AKAP10: variants seen among roughly 807,000 people sequenced by gnomAD.
AKAP10 encodes the protein A-kinase anchoring protein 10.
A neutral mutation model predicts 80.8 loss-of-function variants in AKAP10; 24 were observed. The ratio of observed to expected loss-of-function variants is 0.30; its 90% CI spans 0.22 to 0.42. The LOEUF is 0.42. Among genes scored for constraint, AKAP10 ranks in the 10% least tolerant of loss-of-function variants. The pLI is 1.00. For synonymous variants in AKAP10, 291 were observed against 277.7 expected (o/e 1.05, Z -0.48); for missense variants, 661 against 794.9 (o/e 0.83, Z 2.03).
chr17:19,937,975 CTTTTTTTTTT>C (rs547191721), intron 8 of AKAP10, among the ~76,000 whole-genome samples: 1 of 129,202 alleles, frequency 7.7e-6, no homozygotes, highest in Non-Finnish European at 1.7e-5. Flanking sequence ...GACTGGAAAC[CTTTTTTTTTT>C]TTTTTTTTTT....
rs1260110499 is a variant in AKAP10, at chr17:19,947,288, T to A, written c.976+119A>T. 6.5e-6 allele frequency: 5 copies of A among 765,564 alleles called. No individual in the cohort carries two copies. The East Asian group carries it at 1.2e-4, about 19-fold the overall frequency. 47.4% of individuals were successfully genotyped at this position (765,564 alleles called of 1,614,324 possible). A position where few individuals can be genotyped will look rare whatever the true frequency, so the allele number is the denominator to read the frequency against. ...TATAAAAAATACTCAGAAAACAAAT[T>A]AGGAAGGGAACTGCTAAATTCCATG... On this transcript the variant is annotated intron_variant, in intron 5 of 14. Transcript: ENST00000225737.
chr17:19,951,380 C>G (rs555453406), intron 4 of AKAP10, among the ~76,000 whole-genome samples: 19 of 152,338 alleles, frequency 1.2e-4, no homozygotes, highest in Admixed American at 9.1e-4. Context: ...CCAGCTGCCA[C>G]CCCGTCTGGG....
chr17:19,972,106 AT>A (rs2043505642), intron 1 of AKAP10, among the ~76,000 whole-genome samples: 1 of 152,276 alleles, frequency 6.6e-6, no homozygotes, highest in Admixed American at 6.5e-5. Flanking sequence ...TCTCAAAAAA[AT>A]AAATAAAAAA....
intron 3 of AKAP10, among the ~76,000 whole-genome samples, chr17:19,960,835 G>A (rs2043339740): frequency 6.6e-6 from 1 of 151,886 alleles, no homozygotes; most frequent in Admixed American, 6.6e-5. Context: ...AAACCAGCCT[G>A]ACCAACATGG....
intron 12 of AKAP10, among the ~76,000 whole-genome samples, chr17:19,916,557 CTATGT>C (rs1567751919): frequency 1.3e-5 from 2 of 151,972 alleles, no homozygotes; most frequent in East Asian, 3.9e-4. Flanking sequence ...AACACCTATG[CTATGT>C]TAACACTATG....
chr17:19,956,152 A>G (rs1243982303), intron 4 of AKAP10, among the ~76,000 whole-genome samples: 1 of 152,226 alleles, frequency 6.6e-6, no homozygotes, highest in Admixed American at 6.5e-5. Context: ...CAGTAAGTAT[A>G]AACCTGTACT....
chr17:19,974,600 G>A (rs1251728945), intron 1 of AKAP10, among the ~76,000 whole-genome samples: 1 of 152,104 alleles, frequency 6.6e-6, no homozygotes, highest in African/African-American at 2.4e-5. Flanking sequence ...ATGTAAATTT[G>A]GGACTCAATG....
rs117389241 is a variant in AKAP10 at position 19,970,763 on chromosome 17, C to T, written c.89-2302G>A. ...GCTTGAACCCGGGAGGCCGAGATTGCGGTGAGCTGAGATTACACCACTGTA... is the reference window on the plus strand; with the variant it reads ...GCTTGAACCCGGGAGGCCGAGATTGTGGTGAGCTGAGATTACACCACTGTA... On this transcript the variant is annotated intron_variant, in intron 1 of 14. Coordinates refer to ENST00000225737, the MANE Select transcript of AKAP10 (RefSeq NM_007202.4). Among the ~76,000 whole-genome samples, 407 of 151,834 alleles carry T rather than the reference C, an allele frequency of 2.7e-3. 14 individuals are homozygous for T. In the East Asian group the frequency reaches 0.074, roughly 28 times the overall value.
At chr17:19,952,598 T>C (rs181274983) in intron 4 of AKAP10, among the ~76,000 whole-genome samples, 1 of 152,140 alleles carries the variant, frequency 6.6e-6, no homozygotes, top group South Asian at 2.1e-4. Context: ...AGATATGCCA[T>C]GCAAGCACTA....
intron 4 of AKAP10, among the ~76,000 whole-genome samples, chr17:19,949,133 T>C (rs2043169610): frequency 6.6e-6 from 1 of 152,086 alleles, no homozygotes; most frequent in African/African-American, 2.4e-5. Flanking sequence ...AAATTTTAAG[T>C]AGCTACTAAA....
At chr17:19,932,917 C>T (rs898060502) in intron 9 of AKAP10, among the ~76,000 whole-genome samples, 47 of 151,528 alleles carry the variant, frequency 3.1e-4, no homozygotes, top group African/African-American at 1.1e-3. Flanking sequence ...TCTAATTCTA[C>T]GAAGGAAAAG....
intron 3 of AKAP10, among the ~76,000 whole-genome samples, chr17:19,961,299 T>G (rs1385030624): frequency 1.3e-5 from 2 of 151,248 alleles, no homozygotes; most frequent in African/African-American, 4.9e-5. Context: ...CTGCAGTGAG[T>G]TGTAATCACG....
chr17:19,908,884 G>C (rs552774566), intron 14 of AKAP10, among the ~76,000 whole-genome samples: 1 of 152,300 alleles, frequency 6.6e-6, no homozygotes, highest in Admixed American at 6.5e-5. Context: ...GCCTCCCAAA[G>C]TGCTGGGATT....
At chr17:19,947,197 C>T (rs2043144379) in intron 5 of AKAP10, 1 of 528,218 alleles carries the variant, frequency 1.9e-6, no homozygotes, top group Non-Finnish European at 3.4e-6. Context: ...TGCAGCCCAT[C>T]TGGCCCAGGC....
chr17:19,921,091 G>T (rs1178761410), intron 11 of AKAP10, among the ~76,000 whole-genome samples: 1 of 149,570 alleles, frequency 6.7e-6, no homozygotes, highest in Non-Finnish European at 1.5e-5. Flanking sequence ...GAAAAAACCT[G>T]AACAATCAAG....
intron 5 of AKAP10, among the ~76,000 whole-genome samples, chr17:19,946,197 C>CATATATTTTATATATAT (rs1567765078): frequency 1.7e-5 from 1 of 58,010 alleles, no homozygotes; most frequent in African/African-American, 7.0e-5. Context: ...TATACTAATA[C>CATATATTTTATATATAT]ATATATTTTA....
intron 2 of AKAP10, among the ~76,000 whole-genome samples, chr17:19,966,509 G>C (rs971471713): frequency 1.3e-5 from 2 of 152,154 alleles, no homozygotes; most frequent in African/African-American, 2.4e-5. Flanking sequence ...TGGTCTATTT[G>C]CTACTGTTCT....
rs112396799 is a variant in AKAP10, at chr17:19,918,288, C to T, written c.1834+1748G>A. 6.6e-3 allele frequency among the ~76,000 whole-genome samples: 1,003 copies of T among 151,598 alleles called. 5 individuals carry two copies. The highest frequency in any genetic ancestry group is 0.018 in the African/African-American group (756 of 41,352). ...GACATGGTGAATCATGCCTGTAATCCCAGCACTTTGGGAGGCTAAGGCGGG... is the reference window on the plus strand; with the variant it reads ...GACATGGTGAATCATGCCTGTAATCTCAGCACTTTGGGAGGCTAAGGCGGG... On this transcript the variant is annotated intron_variant, in intron 12 of 14. Transcript: ENST00000225737.
intron 8 of AKAP10, among the ~76,000 whole-genome samples, chr17:19,939,369 T>C (rs1470362543): frequency 1.3e-5 from 2 of 152,188 alleles, no homozygotes; most frequent in African/African-American, 2.4e-5. Flanking sequence ...TACGTTTCCA[T>C]GGCTTCTGGG....
Sources: gnomAD v4.1 joint callset for allele counts (sites outside exome capture counted in the v4.1 genomes callset) on GRCh38, gnomAD v4.1.1 for gene constraint, MANE v1.5 for transcripts, NCBI Gene and HGNC (gene_info 2026-07-23, HGNC 2026-07-21) for gene names.